The following EIF4G3 variants were observed in gnomAD, a reference collection of about 807,000 sequenced individuals.
EIF4G3 encodes the protein eukaryotic translation initiation factor 4 gamma 3, also known as eIF-4-gamma 3.
In EIF4G3, 34 loss-of-function variants were observed where a neutral mutation model predicts 186.4. The ratio of observed to expected loss-of-function variants is 0.18; its 90% confidence interval spans 0.14 to 0.24. The LOEUF (loss-of-function observed/expected upper bound fraction) is 0.24. Among genes scored for constraint, EIF4G3 ranks in the 10% least tolerant of loss-of-function variants. The probability of loss-of-function intolerance (pLI) is 1.00; values close to 1 mark genes in which losing one functional copy is unlikely to be tolerated. For synonymous variants in EIF4G3, 673 were observed against 679.5 expected, an observed-to-expected ratio of 0.99 and a Z score of 0.15; for missense variants, 1,536 against 1,948.5, an observed-to-expected ratio of 0.79 and a Z score of 3.99.
At chr1:21,065,531 C>CA (rs1186400338) in intron 3 of EIF4G3, among the ~76,000 whole-genome samples, 2 of 150,698 alleles carry the variant, frequency 1.3e-5, no homozygotes, top group African/African-American at 4.9e-5. Context: ...GCCTGGGAGA[C>CA]AGACTGAAAC....
chr1:21,017,306 G>A (rs1209638773), intron 4 of EIF4G3, among the ~76,000 whole-genome samples: 1 of 152,116 alleles, frequency 6.6e-6, no homozygotes, highest in Non-Finnish European at 1.5e-5. Context: ...GGCAAGGGAT[G>A]GGGAGAGGAG....
chr1:20,901,754 T>A (rs569446649), intron 15 of EIF4G3, among the ~76,000 whole-genome samples: 5 of 152,300 alleles, frequency 3.3e-5, no homozygotes, highest in East Asian at 3.9e-4. Flanking sequence ...GGGTTTTTTT[T>A]AAAGCAGGAT....
At chr1:20,982,771 C>G (rs1261360019) in intron 7 of EIF4G3, among the ~76,000 whole-genome samples, 3 of 152,188 alleles carry the variant, frequency 2.0e-5, no homozygotes, top group Non-Finnish European at 2.9e-5. Flanking sequence ...ATTTCATGAT[C>G]TGGCATTGTC....
At chr1:20,831,203 C>T (rs1469331243) in intron 30 of EIF4G3, among the ~76,000 whole-genome samples, 3 of 151,810 alleles carry the variant, frequency 2.0e-5, no homozygotes, top group Non-Finnish European at 4.4e-5. Context: ...AAAAGCTCCA[C>T]TTCATTTTAT....
intron 4 of EIF4G3, among the ~76,000 whole-genome samples, chr1:21,047,188 C>G (rs940212220): frequency 6.6e-6 from 1 of 152,198 alleles, no homozygotes; most frequent in South Asian, 2.1e-4. Flanking sequence ...TTTGAACGCT[C>G]TTCTTTCCAT....
chr1:20,971,915 G>A (rs1226264648), intron 11 of EIF4G3, among the ~76,000 whole-genome samples: 1 of 152,190 alleles, frequency 6.6e-6, no homozygotes, highest in African/African-American at 2.4e-5. Flanking sequence ...TTACAGGTGT[G>A]AGCCACTGTA....
intron 2 of EIF4G3, among the ~76,000 whole-genome samples, chr1:21,107,869 T>A (rs2096644452): frequency 6.6e-6 from 1 of 152,216 alleles, no homozygotes; most frequent in African/African-American, 2.4e-5. Context: ...AATTCTTTTT[T>A]GGCCAGGTTG....
intron 14 of EIF4G3, among the ~76,000 whole-genome samples, chr1:20,939,851 T>G (rs954233115): frequency 3.0e-5 from 4 of 132,934 alleles, no homozygotes; most frequent in Non-Finnish European, 4.7e-5. Context: ...TGTTTAGTTT[T>G]TTTTTTTTTT....
At chr1:21,099,079 A>G (rs1435180470) in intron 2 of EIF4G3, among the ~76,000 whole-genome samples, 2 of 152,232 alleles carry the variant, frequency 1.3e-5, no homozygotes, top group Non-Finnish European at 2.9e-5. Context: ...ATATCACTAT[A>G]CCTGTTACAC....
At chr1:21,026,504 T>C (rs1325280789) in intron 4 of EIF4G3, among the ~76,000 whole-genome samples, 3 of 139,192 alleles carry the variant, frequency 2.2e-5, no homozygotes, top group Non-Finnish European at 3.1e-5. Context: ...TTAGATACAA[T>C]ACCAAAGGCA....
intron 14 of EIF4G3, among the ~76,000 whole-genome samples, chr1:20,923,719 C>CCTTA (rs1410895008): frequency 5.3e-5 from 8 of 151,672 alleles, no homozygotes; most frequent in Non-Finnish European, 1.0e-4. Flanking sequence ...TTTGCTTTAA[C>CCTTA]CTTAATATGT....
chr1:20,825,999 TACTTC>T (rs886722139), intron 32 of EIF4G3, among the ~76,000 whole-genome samples: 14 of 152,340 alleles, frequency 9.2e-5, no homozygotes, highest in African/African-American at 3.4e-4. Flanking sequence ...ATGTATTAAT[TACTTC>T]ATAGAGTAAC....
At chr1:20,951,525 C>CTGAA (rs1378403442) in intron 12 of EIF4G3, among the ~76,000 whole-genome samples, 3 of 152,058 alleles carry the variant, frequency 2.0e-5, no homozygotes, top group Non-Finnish European at 4.4e-5. Flanking sequence ...AAATGCCTTA[C>CTGAA]TGAAATTCAA....
Position 20,817,654 on chromosome 1 carries a change from A to G in EIF4G3, c.4369-116T>C, listed in dbSNP as rs901272586. ...TTCTATTTTACATGGAATCAAAATG[A>G]TCAGCAGAGGCTATTTTATGTTTGT... On this transcript the variant is annotated intron_variant, in intron 33 of 36. Transcript: ENST00000602326. The G allele has an allele frequency of 6.5e-5, 32 of 490,974 alleles. No individual in the cohort carries two copies. The African/African-American group carries it at 6.5e-4, about 10-fold the overall frequency. 30.4% of individuals were successfully genotyped at this position (490,974 alleles called of 1,614,324 possible).
chr1:20,999,226 A>C, intron 6 of EIF4G3: 1 of 245,354 alleles, frequency 4.1e-6, no homozygotes, highest in Non-Finnish European at 8.4e-6. Flanking sequence ...TACTTGGCTA[A>C]TCAATATAAT....
At chr1:20,875,844 T>G (rs2080605849) in intron 20 of EIF4G3, among the ~76,000 whole-genome samples, 1 of 152,028 alleles carries the variant, frequency 6.6e-6, no homozygotes, top group Admixed American at 6.6e-5. Flanking sequence ...CTCAGAAGGT[T>G]GAGGGTGCAG....
intron 20 of EIF4G3, among the ~76,000 whole-genome samples, chr1:20,872,579 A>T (rs1185607893): frequency 6.6e-6 from 1 of 152,120 alleles, no homozygotes; most frequent in Non-Finnish European, 1.5e-5. Flanking sequence ...ACCACCAGGT[A>T]TGGTAACCAG....
chr1:21,160,094 C>T lies in EIF4G3; in HGVS notation c.-272+16081G>A, dbSNP rs547566365. On this transcript the variant is annotated intron_variant, in intron 2 of 36. Transcript: ENST00000602326. ...TGCACTCCAGCTTGGGCAGCAAGAG[C>T]GAAACTCCATCTCAAAAAAAAAAAA... Among the ~76,000 whole-genome samples, 11 of 135,642 alleles carry T rather than the reference C, an allele frequency of 8.1e-5. No individual in the cohort carries two copies. In the East Asian group the frequency reaches 1.9e-3, roughly 24 times the overall value. 89.0% of individuals were successfully genotyped at this position (135,642 alleles called of 152,430 possible).
intron 24 of EIF4G3, among the ~76,000 whole-genome samples, chr1:20,859,272 A>T (rs1234444526): frequency 6.6e-6 from 1 of 152,114 alleles, no homozygotes; most frequent in Non-Finnish European, 1.5e-5. Context: ...TTTCCCTCTC[A>T]ATCTGGTTCA....
Sources: allele counts gnomAD v4.1 joint callset (sites outside exome capture counted in the v4.1 genomes callset), GRCh38; gene constraint gnomAD v4.1.1; transcripts MANE v1.5; gene names NCBI Gene and HGNC (gene_info 2026-07-23, HGNC 2026-07-21).